Variants in E2F7 observed in about 807,000 individuals in gnomAD.
E2F7 encodes the protein E2F transcription factor 7, also known as transcription factor E2F7.
Under a neutral mutation model 81.1 loss-of-function variants are expected in E2F7, and 35 were observed. That is an observed-to-expected ratio of 0.43 (90% CI 0.33 to 0.57). The LOEUF (loss-of-function observed/expected upper bound fraction) is 0.57, where lower values mean the gene tolerates loss of function less well. E2F7 is among the 20% of genes least tolerant of loss of function. E2F7 has a pLI of 0.04. For synonymous variants in E2F7, 416 were observed against 416.2 expected (o/e 1.00, Z 0.01); for missense variants, 961 against 1,093.7 (o/e 0.88, Z 1.71).
chr12:77,034,566 A>C (rs1954833450), intron 7 of E2F7, among the ~76,000 whole-genome samples: 1 of 152,252 alleles, frequency 6.6e-6, no homozygotes, highest in Admixed American at 6.5e-5. Flanking sequence ...CAAAGGAATA[A>C]GGTCAGCAGA....
chr12:77,048,320 C>A (rs1954959989), intron 4 of E2F7, among the ~76,000 whole-genome samples: 4 of 152,174 alleles, frequency 2.6e-5, no homozygotes, highest in Non-Finnish European at 5.9e-5. Flanking sequence ...GTATTGAGGT[C>A]ATTCTATTAA....
At chr12:77,058,569 G>C (rs1416421024) in intron 2 of E2F7, among the ~76,000 whole-genome samples, 1 of 152,168 alleles carries the variant, frequency 6.6e-6, no homozygotes. Flanking sequence ...TGGGGAAATA[G>C]TTATATACAC....
intron 9 of E2F7, 101 bp from the exon 10 acceptor site, chr12:77,030,433 C>A: frequency 7.1e-7 from 1 of 1,418,330 alleles, no homozygotes; most frequent in Non-Finnish European, 9.4e-7. Flanking sequence ...TGAGATAATA[C>A]TCCTCAGGCA....
intron 4 of E2F7, among the ~76,000 whole-genome samples, chr12:77,048,244 G>A (rs1015189218): frequency 5.9e-5 from 9 of 152,186 alleles, no homozygotes; most frequent in East Asian, 3.8e-4. Context: ...CTCAAGACCC[G>A]TAGGTTACTC....
chr12:77,031,334 G>A (rs565344389), intron 9 of E2F7, among the ~76,000 whole-genome samples: 3 of 152,268 alleles, frequency 2.0e-5, no homozygotes, highest in East Asian at 1.9e-4. Flanking sequence ...AGAGAAGAAC[G>A]ATCCTTTAAG....
At chr12:77,059,879 C>T (rs1486472502) in intron 2 of E2F7, among the ~76,000 whole-genome samples, 4 of 148,324 alleles carry the variant, frequency 2.7e-5, no homozygotes, top group African/African-American at 5.0e-5. Flanking sequence ...AGGAGAATAG[C>T]GTGAACCCAG....
At chr12:77,046,405 A>G (rs531508967) in intron 4 of E2F7, 77 bp from the exon 5 acceptor site, 123 of 1,476,418 alleles carry the variant, frequency 8.3e-5, no homozygotes, top group Non-Finnish European at 1.0e-4. Context: ...GGCCTGGACT[A>G]TATCTGTGAA....
intron 9 of E2F7, among the ~76,000 whole-genome samples, chr12:77,031,349 A>G (rs1954805744): frequency 6.6e-6 from 1 of 152,260 alleles, no homozygotes; most frequent in Non-Finnish European, 1.5e-5. Flanking sequence ...TTTAAGAAAT[A>G]GGAACAGAGG....
intron 7 of E2F7, among the ~76,000 whole-genome samples, chr12:77,036,860 G>A (rs1296524827): frequency 6.6e-6 from 1 of 151,820 alleles, no homozygotes; most frequent in African/African-American, 2.4e-5. Flanking sequence ...TCCTGCCTCA[G>A]CCTCCTGAGT....
chr12:77,064,453 A>G (rs1202485585), intron 2 of E2F7, 90 bp downstream of exon 2: 2 of 1,050,292 alleles, frequency 1.9e-6, no homozygotes, highest in African/African-American at 3.2e-5. Flanking sequence ...ATGCTTAAAT[A>G]CAAATACAAA....
rs1322415294 is a variant in E2F7 at position 77,022,787 on chromosome 12, G to C, written c.*1228C>G. On this transcript the variant is annotated 3_prime_UTR_variant, in exon 13 of 13. Transcript: ENST00000322886. ...TTTGGCGACTTAATGCACCCCTAAA[G>C]TAATGTGGGTTAAAAAAGGGAAATT... 2.0e-5 allele frequency: 3 copies of C among 152,154 alleles called. No individual in the cohort carries two copies. The highest frequency in any genetic ancestry group is 4.8e-5 in the African/African-American group (2 of 41,430). The allele number at this position is 152,154 out of a possible 1,614,324, so 9.4% of individuals were successfully genotyped here. A position where few individuals can be genotyped will look rare whatever the true frequency, so the allele number is the denominator to read the frequency against.
Position 77,024,148 on chromosome 12 carries a change from G to T in E2F7, c.2603C>A (p.Thr868Lys). 1 of 1,614,016 alleles carries T rather than the reference G, an allele frequency of 6.2e-7. No individual in the cohort carries two copies. The highest frequency in any genetic ancestry group is 1.1e-5 in the South Asian group (1 of 91,048). Residue 868 changes from threonine to lysine, a missense_variant, in exon 13 of 13, where the codon ACA (threonine) becomes AAA (lysine). This residue lies in a region of E2F7 where 587 missense variants were observed against 620.3 expected (regional missense o/e 0.95). Coordinates refer to ENST00000322886, the MANE Select transcript of E2F7 (RefSeq NM_203394.3). Reference sequence around the variant, plus strand: ...TGTCTTGAAAAACGTCTCACGATGTGTGCGTTGGATGCTCTTGGGGGTCAC... The same window carrying T: ...TGTCTTGAAAAACGTCTCACGATGTTTGCGTTGGATGCTCTTGGGGGTCAC... ...VPVTPKSIQR[T>K]HRETFFKTPG...
At chr12:77,040,894 C>G (rs1954888508) in intron 7 of E2F7, among the ~76,000 whole-genome samples, 1 of 152,086 alleles carries the variant, frequency 6.6e-6, no homozygotes, top group South Asian at 2.1e-4. Context: ...TACACTGTAC[C>G]CTGCTGGTAG....
At chr12:77,026,403 A>G (rs1041526104) in intron 11 of E2F7, among the ~76,000 whole-genome samples, 18 of 152,124 alleles carry the variant, frequency 1.2e-4, no homozygotes, top group African/African-American at 4.3e-4. Context: ...CCTGGGCTCA[A>G]GCAGTCGTCC....
At chr12:77,036,803 G>A (rs1028669120) in intron 7 of E2F7, among the ~76,000 whole-genome samples, 1 of 151,224 alleles carries the variant, frequency 6.6e-6, no homozygotes, top group Middle Eastern at 3.4e-3. Flanking sequence ...GTGCAGTGGC[G>A]CGATCTCGGC....
chr12:77,051,627 A>G (rs1056088878), intron 3 of E2F7, among the ~76,000 whole-genome samples: 2 of 152,240 alleles, frequency 1.3e-5, no homozygotes, highest in African/African-American at 4.8e-5. Flanking sequence ...CCTAGAACTT[A>G]AAGTATAATA....
chr12:77,032,336 T>C (rs1184363457), intron 9 of E2F7, among the ~76,000 whole-genome samples: 1 of 152,254 alleles, frequency 6.6e-6, no homozygotes, highest in Admixed American at 6.5e-5. Context: ...TTTCCTGTCC[T>C]GTTTGGACAA....
chr12:77,052,131 AAAG>A (rs1300041230), intron 3 of E2F7, among the ~76,000 whole-genome samples: 1 of 152,252 alleles, frequency 6.6e-6, no homozygotes, highest in Non-Finnish European at 1.5e-5. Flanking sequence ...CTTAGATTTT[AAAG>A]AATACTTAAA....
intron 2 of E2F7, 89 bp downstream of exon 2, chr12:77,064,454 C>G: frequency 9.4e-7 from 1 of 1,062,604 alleles, no homozygotes; most frequent in Non-Finnish European, 1.4e-6. Flanking sequence ...TGCTTAAATA[C>G]AAATACAAAT....
Sources: allele counts gnomAD v4.1 joint callset (sites outside exome capture counted in the v4.1 genomes callset), GRCh38; gene constraint gnomAD v4.1.1; regional missense constraint gnomAD v4.1.1; transcripts MANE v1.5; gene names NCBI Gene and HGNC (gene_info 2026-07-23, HGNC 2026-07-21).